The following OXR1 variants were observed in gnomAD, a reference collection of about 807,000 sequenced individuals.
The protein encoded by OXR1 is oxidation resistance protein 1.
Under a neutral mutation model 104.6 loss-of-function variants are expected in OXR1, and 41 were observed. That is an observed-to-expected ratio of 0.39 (90% CI 0.31 to 0.51). The LOEUF (loss-of-function observed/expected upper bound fraction) is 0.51, where lower values mean the gene tolerates loss of function less well. Among genes scored for constraint, OXR1 ranks in the 20% least tolerant of loss-of-function variants. The pLI, the probability that OXR1 is intolerant of heterozygous loss-of-function variation, is 0.77. For synonymous variants in OXR1, 348 were observed against 348.4 expected, an observed-to-expected ratio of 1.00 and a Z score of 0.01; for missense variants, 955 against 1,031.9, an observed-to-expected ratio of 0.93 and a Z score of 1.02.
intron 1 of OXR1, among the ~76,000 whole-genome samples, chr8:106,352,683 T>C (rs1314281476): frequency 1.3e-5 from 2 of 152,134 alleles, no homozygotes; most frequent in African/African-American, 2.4e-5. Context: ...TGGGGAAATA[T>C]TGTATATGTA....
chr8:106,334,553 G>A (rs770067012), intron 1 of OXR1, among the ~76,000 whole-genome samples: 1 of 152,168 alleles, frequency 6.6e-6, no homozygotes, highest in Non-Finnish European at 1.5e-5. Flanking sequence ...GATGTTAGCT[G>A]TGAAATTTGG....
intron 3 of OXR1, among the ~76,000 whole-genome samples, chr8:106,542,053 G>A (rs1331177966): frequency 1.3e-5 from 2 of 152,172 alleles, no homozygotes; most frequent in Non-Finnish European, 2.9e-5. Context: ...GTAAGGACTT[G>A]AGTCTAGCTT....
At position 106,504,697 on chromosome 8, in the gene OXR1, A is replaced by G. The variant is rs150668397; in HGVS notation, c.24-14246A>G. On this transcript the variant is annotated intron_variant, in intron 2 of 16. Coordinates refer to ENST00000517566, the MANE Select transcript of OXR1 (RefSeq NM_001198533.2). The stretch of plus-strand genomic sequence containing the variant: ...ATAAATAAAGATTGTACTTTTTGTT[A>G]TCATCAGATTTTATTATTCTTTGAT... Among the ~76,000 whole-genome samples the G allele has an allele frequency of 2.6e-3, 394 of 152,228 alleles. 2 individuals are homozygous for G. Among genetic ancestry groups the G allele is most frequent in the Non-Finnish European group, 4.4e-3 (302 of 67,974 alleles).
intron 1 of OXR1, among the ~76,000 whole-genome samples, chr8:106,335,960 G>T (rs1166334116): frequency 1.3e-5 from 2 of 152,214 alleles, no homozygotes; most frequent in African/African-American, 2.4e-5. Flanking sequence ...GCCAGGTGTG[G>T]TGGTGGTTGC....
At chr8:106,689,200 T>C (rs539039181) in intron 6 of OXR1, among the ~76,000 whole-genome samples, 2 of 152,188 alleles carry the variant, frequency 1.3e-5, no homozygotes, top group African/African-American at 4.8e-5. Flanking sequence ...AGGAGAATCA[T>C]TTCTTGCCTC....
At chr8:106,292,522 T>C (rs764917284) in intron 1 of OXR1, among the ~76,000 whole-genome samples, 50 of 152,342 alleles carry the variant, frequency 3.3e-4, no homozygotes, top group Non-Finnish European at 6.0e-4. Context: ...GATGTTCTGA[T>C]TGATGGCAAT....
Position 106,519,156 on chromosome 8 carries a change from T to C in OXR1, c.220+17T>C. On this transcript the variant is annotated intron_variant, in intron 3 of 16. Transcript: ENST00000517566. ...ACACAATTGGTGAGCACCAGATGTTTTATGCAAGTGAATAGATGAAATCTA... is the reference window on the plus strand; with the variant it reads ...ACACAATTGGTGAGCACCAGATGTTCTATGCAAGTGAATAGATGAAATCTA... The C allele has an allele frequency of 6.6e-7, 1 of 1,523,974 alleles. No individual in the cohort carries two copies. The highest frequency in any genetic ancestry group is 8.9e-7 in the Non-Finnish European group (1 of 1,123,174). The allele number at this position is 1,523,974 out of a possible 1,614,324, so 94.4% of individuals were successfully genotyped here. A position where few individuals can be genotyped will look rare whatever the true frequency, so the allele number is the denominator to read the frequency against.
intron 1 of OXR1, among the ~76,000 whole-genome samples, chr8:106,303,248 CTTT>C (rs1164596413): frequency 4.1e-4 from 38 of 92,324 alleles, no homozygotes; most frequent in African/African-American, 9.5e-4. Flanking sequence ...TTTTTTCTTT[CTTT>C]TTTTTTTTTT....
intron 3 of OXR1, among the ~76,000 whole-genome samples, chr8:106,548,988 C>T (rs1274553494): frequency 2.0e-5 from 3 of 152,062 alleles, no homozygotes; most frequent in African/African-American, 7.3e-5. Flanking sequence ...AACTTCCGCA[C>T]ATCCATGAAT....
Position 106,610,942 on chromosome 8 carries a change from A to T in OXR1, c.221-68268A>T, listed in dbSNP as rs914816062. ...TCTGTTCTATGCCCAGCAACTTCTG[A>T]TTGGGTCATTGAACAGATATTTATT... On this transcript the variant is annotated intron_variant, in intron 3 of 16. Coordinates refer to ENST00000517566, the MANE Select transcript of OXR1 (RefSeq NM_001198533.2). Among the ~76,000 whole-genome samples, 8 of 152,174 alleles carry T rather than the reference A, an allele frequency of 5.3e-5. No individual in the cohort carries two copies. The East Asian group carries it at 7.7e-4, about 15-fold the overall frequency.
intron 2 of OXR1, among the ~76,000 whole-genome samples, chr8:106,415,515 G>A (rs1020446252): frequency 6.6e-6 from 1 of 151,628 alleles, no homozygotes. Flanking sequence ...GTGTGTGTGT[G>A]TCTGTGTGTG....
chr8:106,543,406 A>G (rs75598877), intron 3 of OXR1, among the ~76,000 whole-genome samples: 3,632 of 152,254 alleles, frequency 0.024, 157 homozygotes, highest in African/African-American at 0.084. Context: ...CCAACAAAAA[A>G]TCCTGTAGAA....
intron 12 of OXR1, 25 bp from the exon 13 acceptor site, chr8:106,739,433 G>A (rs1238670760): frequency 1.9e-6 from 3 of 1,599,660 alleles, no homozygotes. Flanking sequence ...TTACATTAAT[G>A]CACTACCTCT....
Position 106,359,642 on chromosome 8 carries a change from T to G in OXR1, c.23+6T>G. Reference sequence around the variant, plus strand: ...TCTGTGTCTAATCTATCATGGTGAGTGAATGGTTTTCTTGCCTTAAATGTA... The same window carrying G: ...TCTGTGTCTAATCTATCATGGTGAGGGAATGGTTTTCTTGCCTTAAATGTA... On this transcript the variant is annotated splice_donor_region_variant and intron_variant, in intron 2 of 16. Coordinates refer to ENST00000517566, the MANE Select transcript of OXR1 (RefSeq NM_001198533.2). 1 of 1,541,892 alleles carries G rather than the reference T, an allele frequency of 6.5e-7. No homozygotes were observed.
intron 1 of OXR1, among the ~76,000 whole-genome samples, chr8:106,332,305 A>G (rs1814751326): frequency 1.3e-5 from 2 of 152,142 alleles, no homozygotes; most frequent in African/African-American, 4.8e-5. Context: ...TTCCAGTTGG[A>G]TATCCACTAT....
At chr8:106,610,731 C>G (rs768437379) in intron 3 of OXR1, among the ~76,000 whole-genome samples, 1 of 152,158 alleles carries the variant, frequency 6.6e-6, no homozygotes, top group African/African-American at 2.4e-5. Flanking sequence ...TTACTCTTTC[C>G]TCCTTTAAAT....
intron 11 of OXR1, among the ~76,000 whole-genome samples, chr8:106,725,120 G>A (rs1346749597): frequency 6.6e-6 from 1 of 152,120 alleles, no homozygotes; most frequent in Non-Finnish European, 1.5e-5. Flanking sequence ...GACTGTGGGA[G>A]AGATTTTAGG....
intron 4 of OXR1, among the ~76,000 whole-genome samples, chr8:106,680,007 A>C (rs986421292): frequency 2.0e-5 from 3 of 152,098 alleles, no homozygotes; most frequent in Non-Finnish European, 2.9e-5. Flanking sequence ...GAGAACAGCA[A>C]TTTTAAACAT....
intron 2 of OXR1, among the ~76,000 whole-genome samples, chr8:106,424,553 A>G (rs1819032622): frequency 6.6e-6 from 1 of 152,096 alleles, no homozygotes; most frequent in South Asian, 2.1e-4. Context: ...GATTGTTTCT[A>G]ATTTTTCACT....
Sources: allele counts gnomAD v4.1 joint callset (sites outside exome capture counted in the v4.1 genomes callset), GRCh38; gene constraint gnomAD v4.1.1; transcripts MANE v1.5; gene names NCBI Gene and HGNC (gene_info 2026-07-23, HGNC 2026-07-21).